VEGFA: variants seen among roughly 807,000 people sequenced by gnomAD.
The protein encoded by VEGFA is vascular endothelial growth factor A, also known as vascular endothelial growth factor A, long form.
A neutral mutation model predicts 49.7 loss-of-function variants in VEGFA; 20 were observed. The ratio of observed to expected loss-of-function variants is 0.40; its 90% confidence interval spans 0.28 to 0.58. The LOEUF is 0.58. VEGFA is among the 20% of genes least tolerant of loss of function. VEGFA has a pLI of 0.40. For synonymous variants in VEGFA, 219 were observed against 223.4 expected (o/e 0.98, Z 0.18); for missense variants, 505 against 553.5 (o/e 0.91, Z 0.88).
At chr6:43,779,440 T>C in intron 5 of VEGFA, 1 of 338,718 alleles carries the variant, frequency 3.0e-6, no homozygotes, top group Non-Finnish European at 5.7e-6. Context: ...AAAAGTTGAA[T>C]GTTGGTCATT....
intron 5 of VEGFA, chr6:43,779,441 G>A (rs1402439498): frequency 5.9e-6 from 2 of 341,740 alleles, no homozygotes; most frequent in Admixed American, 8.1e-5. Flanking sequence ...AAAGTTGAAT[G>A]TTGGTCATTT....
rs1467779736 is a variant in VEGFA, at chr6:43,784,990, C to CT, written c.*435dup. The CT allele has an allele frequency of 1.7e-5, 3 of 178,300 alleles. No individual in the cohort carries two copies. In the South Asian group the frequency reaches 6.1e-4, roughly 36 times the overall value. The allele number at this position is 178,300 out of a possible 1,614,324, so 11.0% of individuals were successfully genotyped here. On this transcript the variant is annotated 3_prime_UTR_variant, in exon 8 of 8. Transcript: ENST00000672860. ...TTTATATATATAAAATATATATATT[C>CT]TTTTTTTAAATTAACAGTGCTAATG... is the stretch of plus-strand genomic sequence containing the variant.
chr6:43,772,954 A>G (rs1764108360), intron 1 of VEGFA, among the ~76,000 whole-genome samples: 1 of 151,996 alleles, frequency 6.6e-6, no homozygotes, highest in Admixed American at 6.5e-5. Context: ...CTGGCCTTGG[A>G]AGGGGTATGA....
chr6:43,771,178 G>A lies in VEGFA; in HGVS notation c.472G>A (p.Gly158Arg). ...AGCTCGCCGAGGCGCCGAGGAGAGC[G>A]GGCCGCCCCACAGCCCGAGCCGGAG... Residue 158 changes from glycine to arginine, a missense_variant, in exon 1 of 8, where the codon GGG becomes AGG. Transcript: ENST00000672860. 6.3e-7 allele frequency: 1 copy of A among 1,585,152 alleles called. No homozygotes were observed. Among genetic ancestry groups the A allele is most frequent in the Non-Finnish European group, 8.6e-7 (1 of 1,169,148 alleles).
chr6:43,784,724 G>A lies in VEGFA; in HGVS notation c.*162G>A, dbSNP rs2128063559. On this transcript the variant is annotated 3_prime_UTR_variant, in exon 8 of 8. Coordinates refer to ENST00000672860, the MANE Select transcript of VEGFA (RefSeq NM_003376.6). ...CCAGAAACCTGAAATGAAGGAAGAG[G>A]AGACTCTGCGCAGAGCACTTTGGGT... 1 of 1,374,262 alleles carries A rather than the reference G, an allele frequency of 7.3e-7. No individual in the cohort carries two copies. The highest frequency in any genetic ancestry group is 1.0e-6 in the Non-Finnish European group (1 of 972,248). The allele number at this position is 1,374,262 out of a possible 1,614,324, so 85.1% of individuals were successfully genotyped here.
At chr6:43,780,951 TC>T in intron 6 of VEGFA, 148 bp downstream of exon 6, 1 of 1,591,778 alleles carries the variant, frequency 6.3e-7, no homozygotes, top group Non-Finnish European at 8.6e-7. Flanking sequence ...TCTCACTCTC[TC>T]ACTCCACTAA....
chr6:43,780,917 T>G, intron 6 of VEGFA, 114 bp downstream of exon 6: 1 of 1,610,920 alleles, frequency 6.2e-7, no homozygotes, highest in South Asian at 1.1e-5. Context: ...TCCCTGGCTC[T>G]CATCCTCCTG....
rs1302730981 is a variant in VEGFA, at chr6:43,771,215, G to A, written c.509G>A (p.Ser170Asn). 18 of 1,603,508 alleles carry A rather than the reference G, an allele frequency of 1.1e-5. No homozygotes were observed. Among genetic ancestry groups the A allele is most frequent in the Non-Finnish European group, 1.4e-5 (17 of 1,176,638 alleles). ...AGCCCGAGCCGGAGAGGGAGCGCGA[G>A]CCGCGCCGGCCCCGGTCGGGCCTCC... Residue 170 changes from serine to asparagine, a missense_variant, in exon 1 of 8, where the codon AGC becomes AAC. Ser to Asn is a conservative substitution (Grantham distance 46, BLOSUM62 1). Around this residue, in one of 2 missense-constraint regions of VEGFA, gnomAD observed 340 missense variants for 321.8 expected, o/e 1.06. Transcript: ENST00000672860.
At position 43,770,575 on chromosome 6, in the gene VEGFA, G is replaced by A. The variant is rs1481489384; in HGVS notation, c.-132G>A. On this transcript the variant is annotated 5_prime_UTR_variant, in exon 1 of 8. Transcript: ENST00000672860. Reference sequence around the variant, plus strand: ...AGAGAAGTCGAGGAAGAGAGAGACGGGGTCAGAGAGAGCGCGCGGGCGTGC... The same window carrying A: ...AGAGAAGTCGAGGAAGAGAGAGACGAGGTCAGAGAGAGCGCGCGGGCGTGC... 1.4e-6 allele frequency: 2 copies of A among 1,389,008 alleles called. No individual in the cohort carries two copies. Among genetic ancestry groups the A allele is most frequent in the Admixed American group, 3.3e-5 (1 of 30,068 alleles). The allele number at this position is 1,389,008 out of a possible 1,614,324, so 86.0% of individuals were successfully genotyped here.
Position 43,779,916 on chromosome 6 carries a change from A to T in VEGFA, c.963-816A>T, listed in dbSNP as rs1047843506. 11 of 330,694 alleles carry T rather than the reference A, an allele frequency of 3.3e-5. No homozygotes were observed. The Admixed American group carries it at 4.2e-4, about 13-fold the overall frequency. 20.5% of individuals were successfully genotyped at this position (330,694 alleles called of 1,614,324 possible). On this transcript the variant is annotated intron_variant, in intron 5 of 7. Transcript: ENST00000672860. ...GCCCCCCTTCCTGTTTCCCCAAATGACTGCTCTGCCATGGGGAGAGTAGGG... is the reference window on the plus strand; with the variant it reads ...GCCCCCCTTCCTGTTTCCCCAAATGTCTGCTCTGCCATGGGGAGAGTAGGG...
Position 43,770,652 on chromosome 6 carries a change from C to A in VEGFA, c.-55C>A. ...TGAGTGACCTGCTTTTGGGGGTGACCGCCGGAGCGCGGCGTGAGCCCTCCC... is the reference window on the plus strand; with the variant it reads ...TGAGTGACCTGCTTTTGGGGGTGACAGCCGGAGCGCGGCGTGAGCCCTCCC... On this transcript the variant is annotated 5_prime_UTR_variant, in exon 1 of 8. Transcript: ENST00000672860. The A allele has an allele frequency of 1.3e-6, 2 of 1,504,700 alleles. No individual in the cohort carries two copies. The highest frequency in any genetic ancestry group is 1.8e-6 in the Non-Finnish European group (2 of 1,137,480). 93.2% of individuals were successfully genotyped at this position (1,504,700 alleles called of 1,614,324 possible).
At position 43,782,000 on chromosome 6, in the gene VEGFA, A is replaced by G; in HGVS notation, c.1079A>G (p.Gln360Arg). Residue 360 changes from glutamine (Q) to arginine (R), a missense_variant, in exon 7 of 8, where the codon CAA becomes CGA. Coordinates refer to ENST00000672860, the MANE Select transcript of VEGFA (RefSeq NM_003376.6). ...GAGCGGAGAAAGCATTTGTTTGTACAAGATCCGCAGACGTGTAAATGTTCC... is the reference window on the plus strand; with the variant it reads ...GAGCGGAGAAAGCATTTGTTTGTACGAGATCCGCAGACGTGTAAATGTTCC... 1 of 1,614,094 alleles carries G rather than the reference A, an allele frequency of 6.2e-7. No individual in the cohort carries two copies. Among genetic ancestry groups the G allele is most frequent in the Non-Finnish European group, 8.5e-7 (1 of 1,179,996 alleles).
At chr6:43,780,251 C>G in intron 5 of VEGFA, 1 of 260,414 alleles carries the variant, frequency 3.8e-6, no homozygotes, top group Non-Finnish European at 7.6e-6. Flanking sequence ...ACACAGCCCT[C>G]CCTCCCACTC....
At position 43,780,844 on chromosome 6, in the gene VEGFA, C is replaced by T. The variant is rs139206878; in HGVS notation, c.1034+41C>T. On this transcript the variant is annotated intron_variant, in intron 6 of 7. Coordinates refer to ENST00000672860, the MANE Select transcript of VEGFA (RefSeq NM_003376.6). ...CTGCTGTCTAATGCCCTGGAGCCTC[C>T]CTGGCCCCCAGTACAACCTCCGCCT... The T allele has an allele frequency of 1.1e-5, 18 of 1,613,690 alleles. No individual in the cohort carries two copies. In the African/African-American group the frequency reaches 2.1e-4, roughly 19 times the overall value.
chr6:43,778,937 A>G lies in VEGFA; in HGVS notation c.962+19A>G. 1 of 1,614,212 alleles carries G rather than the reference A, an allele frequency of 6.2e-7. No individual in the cohort carries two copies. The highest frequency in any genetic ancestry group is 1.1e-5 in the South Asian group (1 of 91,088). ...AAGAAAAGTAAGTGGCCCTGACTTT[A>G]GCACTTCTCCCTCTCCATGGCCGGT... On this transcript the variant is annotated intron_variant, in intron 5 of 7. Transcript: ENST00000672860.
At position 43,777,645 on chromosome 6, in the gene VEGFA, G is replaced by A; in HGVS notation, c.835G>A (p.Glu279Lys). 1 of 1,454,668 alleles carries A rather than the reference G, an allele frequency of 6.9e-7. No homozygotes were observed. The highest frequency in any genetic ancestry group is 9.3e-7 in the Non-Finnish European group (1 of 1,080,228). The allele number at this position is 1,454,668 out of a possible 1,614,324, so 90.1% of individuals were successfully genotyped here. A position where few individuals can be genotyped will look rare whatever the true frequency, so the allele number is the denominator to read the frequency against. The change falls in exon 3 of 8, where the codon GAG becomes AAG. Residue 279 changes from glutamate (E) to lysine (K), a missense_variant. By Grantham distance (56) the Glu-to-Lys change is moderately conservative. Transcript: ENST00000672860. The surrounding 1 kb of genome is among the most constrained non-coding windows in gnomAD (Gnocchi z 4.3). ...GGGCCTGGAGTGTGTGCCCACTGAG[G>A]AGTCCAACATCACCATGCAGGTGGG...
intron 1 of VEGFA, chr6:43,771,964 C>A (rs1353373194): frequency 5.1e-6 from 5 of 975,234 alleles, no homozygotes; most frequent in Non-Finnish European, 6.1e-6. Context: ...CGGGTGCGCG[C>A]GGCGCGGAGC....
intron 7 of VEGFA, chr6:43,782,394 C>T (rs1768136194): frequency 2.4e-6 from 1 of 411,394 alleles, no homozygotes; most frequent in African/African-American, 2.0e-5. Flanking sequence ...TCCTGTGGTC[C>T]TTCTGCTCAT....
At chr6:43,781,854 G>T in intron 6 of VEGFA, 102 bp from the exon 7 acceptor site, 4 of 1,487,594 alleles carry the variant, frequency 2.7e-6, no homozygotes, top group African/African-American at 1.4e-5. Flanking sequence ...GGCTGGGTGG[G>T]GGTGCAGCTG....
Sources: allele counts gnomAD v4.1 joint callset (sites outside exome capture counted in the v4.1 genomes callset), GRCh38; gene constraint gnomAD v4.1.1; regional missense constraint gnomAD v4.1.1; non-coding constraint Gnocchi (gnomAD v3.1); transcripts MANE v1.5; gene names NCBI Gene and HGNC (gene_info 2026-07-23, HGNC 2026-07-21).